NKAIN2: variants seen among roughly 807,000 people sequenced by gnomAD.
NKAIN2 encodes the protein sodium/potassium transporting ATPase interacting 2.
A neutral mutation model predicts 32.6 loss-of-function variants in NKAIN2; 14 were observed. That is an observed-to-expected ratio of 0.43 (90% CI 0.28 to 0.67). NKAIN2 has a LOEUF of 0.67. NKAIN2 is among the 30% of genes least tolerant of loss of function. The probability of loss-of-function intolerance (pLI) is 0.17; values close to 1 mark genes in which losing one functional copy is unlikely to be tolerated. For missense variants in NKAIN2, 198 were observed against 258.3 expected (o/e 0.77, Z 1.60); for synonymous variants, 80 against 87.2 (o/e 0.92, Z 0.46).
Position 124,453,358 on chromosome 6 carries a change from C to T in NKAIN2, c.273+98011C>T, listed in dbSNP as rs867152391. On this transcript the variant is annotated intron_variant, in intron 3 of 6. Coordinates refer to ENST00000368417, the MANE Select transcript of NKAIN2 (RefSeq NM_001040214.3). ...ACACACACACACACACACACACACA[C>T]ACACACACACAGTTCTGAGGTCAAT... 3.2e-4 allele frequency among the ~76,000 whole-genome samples: 48 copies of T among 149,898 alleles called. 1 individual carries two copies. The highest frequency in any genetic ancestry group is 1.1e-3 in the African/African-American group (45 of 40,890).
intron 1 of NKAIN2, among the ~76,000 whole-genome samples, chr6:123,996,160 T>C (rs1387252698): frequency 6.6e-6 from 1 of 152,128 alleles, no homozygotes; most frequent in Non-Finnish European, 1.5e-5. Flanking sequence ...AAAAGTCAGT[T>C]ATTTTTAATC....
At chr6:124,450,197 C>T (rs113044688) in intron 3 of NKAIN2, among the ~76,000 whole-genome samples, 2 of 152,078 alleles carry the variant, frequency 1.3e-5, no homozygotes, top group African/African-American at 2.4e-5. Flanking sequence ...CAAAATGTGA[C>T]ATTTAGTTTT....
chr6:124,334,368 TAA>T (rs1214607305), intron 2 of NKAIN2, among the ~76,000 whole-genome samples: 1 of 152,334 alleles, frequency 6.6e-6, no homozygotes, highest in South Asian at 2.1e-4. Context: ...ATAGAGAGTT[TAA>T]TTCATGCAAT....
chr6:124,259,555 T>C (rs1020621569), intron 1 of NKAIN2, among the ~76,000 whole-genome samples: 2 of 152,194 alleles, frequency 1.3e-5, no homozygotes, highest in Non-Finnish European at 2.9e-5. Context: ...GGATTTGGTA[T>C]AAATAGGTTA....
At chr6:124,606,375 G>A (rs977745233) in intron 3 of NKAIN2, among the ~76,000 whole-genome samples, 3 of 151,848 alleles carry the variant, frequency 2.0e-5, no homozygotes, top group Admixed American at 1.3e-4. Flanking sequence ...GTGAATGGTT[G>A]AATAAGTTTA....
chr6:124,498,245 G>A (rs933861349), intron 3 of NKAIN2, among the ~76,000 whole-genome samples: 4 of 152,132 alleles, frequency 2.6e-5, no homozygotes, highest in African/African-American at 4.8e-5. Flanking sequence ...TTGGCAGGGG[G>A]CACTCATGAT....
chr6:124,611,498 A>C (rs1478524166), intron 3 of NKAIN2, among the ~76,000 whole-genome samples: 1 of 152,050 alleles, frequency 6.6e-6, no homozygotes, highest in African/African-American at 2.4e-5. Flanking sequence ...TGCATGCATT[A>C]AGTATTTGTC....
intron 1 of NKAIN2, among the ~76,000 whole-genome samples, chr6:123,924,140 A>C (rs1325871485): frequency 6.6e-6 from 1 of 152,138 alleles, no homozygotes; most frequent in Non-Finnish European, 1.5e-5. Context: ...TTTTCAGTTG[A>C]ATTGAAGAAA....
chr6:124,593,657 C>T (rs1781988659), intron 3 of NKAIN2, among the ~76,000 whole-genome samples: 1 of 152,170 alleles, frequency 6.6e-6, no homozygotes, highest in East Asian at 1.9e-4. Flanking sequence ...CAGGAACCTA[C>T]TCAAGGATTT....
chr6:123,938,597 TTA>T (rs1776669988), intron 1 of NKAIN2, among the ~76,000 whole-genome samples: 1 of 136,394 alleles, frequency 7.3e-6, no homozygotes, highest in South Asian at 2.2e-4. Context: ...TTTTTATATA[TTA>T]TATATATTTT....
At chr6:124,162,628 G>A (rs548468782) in intron 1 of NKAIN2, among the ~76,000 whole-genome samples, 6 of 152,094 alleles carry the variant, frequency 3.9e-5, no homozygotes, top group Admixed American at 1.3e-4. Context: ...AAGGAGAATC[G>A]GTGGTGAATG....
chr6:124,788,829 TA>T (rs1034167924), intron 4 of NKAIN2, among the ~76,000 whole-genome samples: 2 of 152,058 alleles, frequency 1.3e-5, no homozygotes, highest in African/African-American at 4.8e-5. Flanking sequence ...TTTCTATAGG[TA>T]AATTTTATAA....
chr6:124,495,341 T>C (rs1209783726), intron 3 of NKAIN2, among the ~76,000 whole-genome samples: 2 of 152,164 alleles, frequency 1.3e-5, no homozygotes, highest in Non-Finnish European at 2.9e-5. Flanking sequence ...CTAAGCTTTT[T>C]CTAATCACAG....
chr6:124,048,649 T>A (rs150614219), intron 1 of NKAIN2, among the ~76,000 whole-genome samples: 1,820 of 152,188 alleles, frequency 0.012, 38 homozygotes, highest in African/African-American at 0.041. Context: ...TGCAAGAGAC[T>A]AAAATGCCTT....
At chr6:124,687,589 A>ATTC (rs1368226013) in intron 4 of NKAIN2, among the ~76,000 whole-genome samples, 9 of 23,162 alleles carry the variant, frequency 3.9e-4, no homozygotes, top group Non-Finnish European at 6.4e-4. Flanking sequence ...TTTATAATAT[A>ATTC]AATATATATT....
At chr6:124,577,648 C>A (rs1261057823) in intron 3 of NKAIN2, among the ~76,000 whole-genome samples, 1 of 152,074 alleles carries the variant, frequency 6.6e-6, no homozygotes, top group Non-Finnish European at 1.5e-5. Context: ...GACTGCAATT[C>A]CTGGGCAAGT....
At chr6:124,229,088 G>A (rs1402963342) in intron 1 of NKAIN2, among the ~76,000 whole-genome samples, 1 of 152,150 alleles carries the variant, frequency 6.6e-6, no homozygotes, top group Non-Finnish European at 1.5e-5. Context: ...TGTAGTCATT[G>A]GAAGATATCC....
intron 3 of NKAIN2, among the ~76,000 whole-genome samples, chr6:124,620,361 T>A (rs1783061615): frequency 6.6e-6 from 1 of 152,196 alleles, no homozygotes; most frequent in South Asian, 2.1e-4. Context: ...GTATTGTGTA[T>A]GATTTTTAGA....
At chr6:124,364,142 A>G (rs1306517752) in intron 3 of NKAIN2, among the ~76,000 whole-genome samples, 1 of 151,598 alleles carries the variant, frequency 6.6e-6, no homozygotes, top group Non-Finnish European at 1.5e-5. Context: ...TAGGTTTAAT[A>G]GTAGATTTAA....
Sources: gnomAD v4.1 joint callset for allele counts (sites outside exome capture counted in the v4.1 genomes callset) on GRCh38, gnomAD v4.1.1 for gene constraint, MANE v1.5 for transcripts, NCBI Gene and HGNC (gene_info 2026-07-23, HGNC 2026-07-21) for gene names.